DOCK8: variants seen among roughly 807,000 people sequenced by gnomAD.
DOCK8 encodes dedicator of cytokinesis 8.
DOCK8 carries 141 observed loss-of-function variants against 245.6 expected under a neutral mutation model. That is an observed-to-expected ratio of 0.57 (90% CI 0.50 to 0.66). The LOEUF (loss-of-function observed/expected upper bound fraction) is 0.66, where lower values mean the gene tolerates loss of function less well. Ranked by LOEUF, DOCK8 falls within the 30% of genes least tolerant of loss-of-function variation. The pLI is 0.00. For missense variants in DOCK8, 2,965 were observed against 2,603.4 expected, an observed-to-expected ratio of 1.14 and a Z score of -3.02; for synonymous variants, 1,168 against 970.2, an observed-to-expected ratio of 1.20 and a Z score of -3.79.
In DOCK8 at chr9:350,754, G is replaced by C. The variant is rs138671420; in HGVS notation, c.1679+10433G>C. 1.2e-3 allele frequency among the ~76,000 whole-genome samples: 178 copies of C among 152,280 alleles called. 1 individual carries two copies. Among genetic ancestry groups the C allele is most frequent in the African/African-American group, 3.9e-3 (162 of 41,554 alleles). On this transcript the variant is annotated intron_variant, in intron 14 of 47. Transcript: ENST00000432829. ...ATTATTTTGAAACTAATATAATTTT[G>C]TTTGGACAGAACGTAGATAGCAACC...
intron 44 of DOCK8, among the ~76,000 whole-genome samples, chr9:446,987 C>G (rs188364667): frequency 6.7e-4 from 102 of 151,970 alleles, no homozygotes; most frequent in African/African-American, 2.3e-3. Context: ...CATAGTCGTG[C>G]TGTTAATTAT....
At chr9:384,727 T>C (rs2053875717) in intron 22 of DOCK8, among the ~76,000 whole-genome samples, 1 of 152,048 alleles carries the variant, frequency 6.6e-6, no homozygotes, top group Non-Finnish European at 1.5e-5. Context: ...CCATCCTGGC[T>C]AACACGGTGA....
At chr9:288,359 C>T (rs2048907809) in intron 3 of DOCK8, among the ~76,000 whole-genome samples, 2 of 152,130 alleles carry the variant, frequency 1.3e-5, no homozygotes, top group African/African-American at 4.8e-5. Context: ...TACAGGTGAG[C>T]TGCCTGGATT....
At chr9:378,562 G>C (rs985863414) in intron 20 of DOCK8, among the ~76,000 whole-genome samples, 6 of 152,250 alleles carry the variant, frequency 3.9e-5, no homozygotes, top group African/African-American at 1.4e-4. Flanking sequence ...TGCCTCTCCA[G>C]CTAGATTCTT....
intron 24 of DOCK8, among the ~76,000 whole-genome samples, chr9:393,085 C>CAAAAAAAAAAA (rs1159933739): frequency 1.3e-4 from 6 of 44,746 alleles, no homozygotes; most frequent in South Asian, 1.3e-3. Flanking sequence ...GACCCTGTCT[C>CAAAAAAAAAAA]AAAAAAAAAA....
At chr9:255,233 A>G (rs1229614873) in intron 1 of DOCK8, among the ~76,000 whole-genome samples, 4 of 152,212 alleles carry the variant, frequency 2.6e-5, no homozygotes, top group African/African-American at 7.2e-5. Context: ...ATGTCTTTAG[A>G]TCATCCTTAT....
At chr9:239,393 G>C (rs1195402142) in intron 1 of DOCK8, among the ~76,000 whole-genome samples, 1 of 152,162 alleles carries the variant, frequency 6.6e-6, no homozygotes, top group African/African-American at 2.4e-5. Context: ...GGAAAATCCT[G>C]AGAGTTATAA....
At chr9:241,029 G>A (rs11788662) in intron 1 of DOCK8, among the ~76,000 whole-genome samples, 9,328 of 152,138 alleles carry the variant, frequency 0.061, 312 homozygotes, top group African/African-American at 0.073. Flanking sequence ...AAGGGAAAAT[G>A]ATTTGTATAA....
intron 26 of DOCK8, among the ~76,000 whole-genome samples, chr9:400,772 A>T (rs1250621053): frequency 6.5e-5 from 6 of 92,356 alleles, no homozygotes; most frequent in South Asian, 3.5e-4. Context: ...CACCTCCACC[A>T]CCACCACCAC....
Position 243,977 on chromosome 9 carries a change from G to A in DOCK8, c.54-27650G>A, listed in dbSNP as rs1289507421. 3.9e-5 allele frequency among the ~76,000 whole-genome samples: 6 copies of A among 152,156 alleles called. No individual in the cohort carries two copies. In the East Asian group the frequency reaches 1.2e-3, roughly 29 times the overall value. ...AGGCGGGCAGATCACGAGGTCAGGA[G>A]ATCGAGACCATCCTGGCTAACATGG... On this transcript the variant is annotated intron_variant, in intron 1 of 47. Transcript: ENST00000432829.
At position 451,993 on chromosome 9, in the gene DOCK8, TTTTTTTTTTC is replaced by T. The variant is rs761606810; in HGVS notation, c.5962-17_5962-8del. 49 of 670,854 alleles carry T rather than the reference TTTTTTTTTTC, an allele frequency of 7.3e-5. No individual in the cohort carries two copies. Among genetic ancestry groups the T allele is most frequent in the Non-Finnish European group, 9.9e-5 (43 of 434,398 alleles). The allele number at this position is 670,854 out of a possible 1,614,324, so 41.6% of individuals were successfully genotyped here. A position where few individuals can be genotyped will look rare whatever the true frequency, so the allele number is the denominator to read the frequency against. ...TATATATATATTTTTTTTTTTTTTT[TTTTTTTTTTC>T]CCACCAGGGACCACTGGAAGTAGCC... is the stretch of plus-strand genomic sequence containing the variant. On this transcript the variant is annotated splice_polypyrimidine_tract_variant and splice_region_variant and intron_variant, in intron 45 of 47. Transcript: ENST00000432829.
rs74969249 is a variant in DOCK8, at chr9:239,956, G to T, written c.53+24927G>T. Among the ~76,000 whole-genome samples, 426 of 152,232 alleles carry T rather than the reference G, an allele frequency of 2.8e-3. 4 individuals are homozygous for T. The highest frequency in any genetic ancestry group is 9.8e-3 in the African/African-American group (406 of 41,552). The stretch of plus-strand genomic sequence containing the variant: ...CTGTATTGAGCTACATTGATTTCCA[G>T]TTATTCACATTAGAAACAGTACACC... On this transcript the variant is annotated intron_variant, in intron 1 of 47. Coordinates refer to ENST00000432829, the MANE Select transcript of DOCK8 (RefSeq NM_203447.4).
chr9:386,256 A>T, intron 22 of DOCK8, 75 bp from the exon 23 acceptor site: 4 of 1,240,492 alleles, frequency 3.2e-6, no homozygotes, highest in Non-Finnish European at 4.7e-6. Flanking sequence ...ATGAATTCTG[A>T]GGTTGTGATT....
chr9:259,259 C>T (rs893315721), intron 1 of DOCK8, among the ~76,000 whole-genome samples: 9 of 151,992 alleles, frequency 5.9e-5, no homozygotes, highest in Admixed American at 1.3e-4. Context: ...GCTGTGATCT[C>T]GCCACTGCAC....
chr9:277,856 C>T (rs1044501013), intron 2 of DOCK8, among the ~76,000 whole-genome samples: 1 of 152,110 alleles, frequency 6.6e-6, no homozygotes, highest in Non-Finnish European at 1.5e-5. Context: ...AGTCTCATAG[C>T]TTAGAAGGCA....
intron 46 of DOCK8, among the ~76,000 whole-genome samples, chr9:453,941 G>T (rs1295393949): frequency 6.6e-6 from 1 of 152,226 alleles, no homozygotes; most frequent in African/African-American, 2.4e-5. Context: ...TTCCAGGCAT[G>T]ATATTAGTTA....
chr9:417,015 C>T (rs2056049400), intron 29 of DOCK8, among the ~76,000 whole-genome samples: 1 of 152,186 alleles, frequency 6.6e-6, no homozygotes, highest in Non-Finnish European at 1.5e-5. Context: ...TGGGTTTTGG[C>T]TCGGTGTGGT....
At chr9:216,656 A>C (rs528029592) in intron 1 of DOCK8, among the ~76,000 whole-genome samples, 1 of 152,128 alleles carries the variant, frequency 6.6e-6, no homozygotes, top group African/African-American at 2.4e-5. Context: ...AATTCATTCA[A>C]GGAGTATAGG....
chr9:433,850 A>G (rs1417021321), intron 37 of DOCK8, 25 bp from the exon 38 acceptor site: 2 of 1,574,554 alleles, frequency 1.3e-6, no homozygotes, highest in East Asian at 2.2e-5. Context: ...AGCTAAGATT[A>G]TTTTGAGGCT....
Sources: gnomAD v4.1 joint callset for allele counts (sites outside exome capture counted in the v4.1 genomes callset) on GRCh38, gnomAD v4.1.1 for gene constraint, MANE v1.5 for transcripts, NCBI Gene and HGNC (gene_info 2026-07-23, HGNC 2026-07-21) for gene names.